Variants in MAP2 observed in about 807,000 individuals in gnomAD.
The protein encoded by MAP2 is microtubule associated protein 2.
Under a neutral mutation model 137.6 loss-of-function variants are expected in MAP2, and 14 were observed. The observed-to-expected ratio is 0.10, with a 90% CI of 0.07 to 0.16. MAP2 has a LOEUF of 0.16. MAP2 is among the 10% of genes least tolerant of loss of function. The pLI is 1.00. For synonymous variants in MAP2, 786 were observed against 782.3 expected (o/e 1.00, Z -0.08); for missense variants, 2,088 against 2,191.5 (o/e 0.95, Z 0.94).
intron 2 of MAP2, among the ~76,000 whole-genome samples, chr2:209,530,931 A>G (rs1322583417): frequency 1.3e-5 from 2 of 152,178 alleles, no homozygotes; most frequent in African/African-American, 2.4e-5. Flanking sequence ...CACAGTATTC[A>G]ATTTGTTTCA....
chr2:209,644,648 G>T (rs1264153425), intron 4 of MAP2, among the ~76,000 whole-genome samples: 1 of 143,196 alleles, frequency 7.0e-6, no homozygotes, highest in Admixed American at 7.2e-5. Context: ...TCTAGCCTGG[G>T]CAACGACGTG....
In MAP2 at chr2:209,434,885, T is replaced by TTATATATATATGTTATATATATGTTA. The variant is rs60440231; in HGVS notation, c.-222+10618_-222+10619insATGTTATATATATGTTATATATATAT. ...ATGTTATATATATGTTATATATATG[T>TTATATATATATGTTATATATATGTTA]TATATATATGTTATATATATATGTT... On this transcript the variant is annotated intron_variant, in intron 1 of 15. Transcript: ENST00000682079. Among the ~76,000 whole-genome samples, 16 of 74,668 alleles carry TTATATATATATGTTATATATATGTTA rather than the reference T, an allele frequency of 2.1e-4. 1 individual carries two copies. The highest frequency in any genetic ancestry group is 9.0e-4 in the East Asian group (3 of 3,346). 49.0% of individuals were successfully genotyped at this position (74,668 alleles called of 152,430 possible).
chr2:209,631,246 G>A (rs1216778144), intron 4 of MAP2, among the ~76,000 whole-genome samples: 1 of 152,008 alleles, frequency 6.6e-6, no homozygotes, highest in African/African-American at 2.4e-5. Flanking sequence ...TGTGAACTTA[G>A]CAAGAGATGT....
chr2:209,662,366 G>A (rs1001047098), intron 5 of MAP2, among the ~76,000 whole-genome samples: 6 of 152,174 alleles, frequency 3.9e-5, no homozygotes, highest in African/African-American at 1.2e-4. Context: ...TTCCTCAGAC[G>A]TTTTGGTCCA....
At chr2:209,509,155 T>C (rs1169404688) in intron 2 of MAP2, among the ~76,000 whole-genome samples, 1 of 151,946 alleles carries the variant, frequency 6.6e-6, no homozygotes, top group East Asian at 1.9e-4. Flanking sequence ...GTTTATATGG[T>C]AAACATGACA....
chr2:209,477,759 G>A (rs1039445930), intron 1 of MAP2, among the ~76,000 whole-genome samples: 1 of 151,892 alleles, frequency 6.6e-6, no homozygotes, highest in African/African-American at 2.4e-5. Flanking sequence ...TTACTCTGGA[G>A]GTTAAAATGG....
chr2:209,681,638 C>G (rs183291151), intron 7 of MAP2, among the ~76,000 whole-genome samples: 57 of 152,270 alleles, frequency 3.7e-4, no homozygotes, highest in Middle Eastern at 3.4e-3. Flanking sequence ...AGAACTAGGG[C>G]TCCATTGTTG....
At chr2:209,646,780 C>G (rs1357829905) in intron 4 of MAP2, among the ~76,000 whole-genome samples, 1 of 150,006 alleles carries the variant, frequency 6.7e-6, no homozygotes, top group Non-Finnish European at 1.5e-5. Context: ...TTTCTTCATT[C>G]TTTTGTTGTT....
At chr2:209,442,195 T>G (rs1697963172) in intron 1 of MAP2, among the ~76,000 whole-genome samples, 1 of 151,612 alleles carries the variant, frequency 6.6e-6, no homozygotes, top group Non-Finnish European at 1.5e-5. Flanking sequence ...GTCCTAATAT[T>G]TAATGTCAAT....
intron 1 of MAP2, among the ~76,000 whole-genome samples, chr2:209,487,671 G>C (rs1248084221): frequency 6.6e-6 from 1 of 152,190 alleles, no homozygotes; most frequent in Non-Finnish European, 1.5e-5. Flanking sequence ...GAAGACAAAT[G>C]ATTTGAATAA....
At chr2:209,728,517 T>G (rs71420769) in intron 14 of MAP2, among the ~76,000 whole-genome samples, 5,658 of 152,276 alleles carry the variant, frequency 0.037, 261 homozygotes, top group South Asian at 0.22. Context: ...TTCTCCAAAA[T>G]GTAATCTAAT....
At chr2:209,613,200 A>AT (rs2087621006) in intron 3 of MAP2, among the ~76,000 whole-genome samples, 2 of 152,128 alleles carry the variant, frequency 1.3e-5, no homozygotes, top group Non-Finnish European at 2.9e-5. Context: ...CATGAGGCAA[A>AT]GAGAAAGCCA....
intron 2 of MAP2, among the ~76,000 whole-genome samples, chr2:209,525,307 T>A (rs1293536074): frequency 1.3e-5 from 2 of 152,212 alleles, no homozygotes; most frequent in African/African-American, 4.8e-5. Context: ...TTCATATCTA[T>A]ATTTAGAAAT....
chr2:209,458,215 G>A (rs1480282581), intron 1 of MAP2, among the ~76,000 whole-genome samples: 4 of 152,064 alleles, frequency 2.6e-5, no homozygotes, highest in Admixed American at 6.5e-5. Flanking sequence ...TGTTAGTAAA[G>A]TCTTCATTAC....
intron 1 of MAP2, among the ~76,000 whole-genome samples, chr2:209,432,132 GA>G (rs1298063978): frequency 6.6e-6 from 1 of 152,140 alleles, no homozygotes; most frequent in Non-Finnish European, 1.5e-5. Flanking sequence ...TAGGCAGGTT[GA>G]AACTTTTTTC....
chr2:209,540,069 C>T lies in MAP2; in HGVS notation c.-172+32428C>T, dbSNP rs1040747200. 4.9e-5 allele frequency among the ~76,000 whole-genome samples: 6 copies of T among 123,486 alleles called. 1 individual carries two copies. The highest frequency in any genetic ancestry group is 4.2e-4 in the Admixed American group (4 of 9,542). 81.0% of individuals were successfully genotyped at this position (123,486 alleles called of 152,430 possible). On this transcript the variant is annotated intron_variant, in intron 2 of 15. Transcript: ENST00000682079. ...TGAGCTGTGATCATGCCAGTACACT[C>T]GAGACTGGGTGACAGAGGGAGACGT...
At chr2:209,665,111 C>T (rs758451242) in intron 5 of MAP2, among the ~76,000 whole-genome samples, 1 of 151,834 alleles carries the variant, frequency 6.6e-6, no homozygotes, top group Non-Finnish European at 1.5e-5. Context: ...GGTAGGAACT[C>T]CAAAATACTG....
At chr2:209,532,234 T>A in intron 2 of MAP2, among the ~76,000 whole-genome samples, 1 of 122,098 alleles carries the variant, frequency 8.2e-6, no homozygotes. Flanking sequence ...GGAGAGCCAG[T>A]CTCAGGAAAA....
intron 4 of MAP2, among the ~76,000 whole-genome samples, chr2:209,629,225 C>T (rs537067355): frequency 2.6e-5 from 4 of 152,308 alleles, no homozygotes; most frequent in African/African-American, 9.6e-5. Flanking sequence ...AGATTTACCA[C>T]ATTCAACATA....
Sources: allele counts gnomAD v4.1 joint callset (sites outside exome capture counted in the v4.1 genomes callset), GRCh38; gene constraint gnomAD v4.1.1; transcripts MANE v1.5; gene names NCBI Gene and HGNC (gene_info 2026-07-23, HGNC 2026-07-21).